The following KLF15 variants were observed in gnomAD, a reference collection of about 807,000 sequenced individuals.
The protein encoded by KLF15 is Krueppel-like factor 15.
In KLF15, 4 loss-of-function variants were observed where a neutral mutation model predicts 24.6. The observed-to-expected ratio is 0.16, with a 90% CI of 0.08 to 0.37. The LOEUF (loss-of-function observed/expected upper bound fraction) is 0.37. Among genes scored for constraint, KLF15 ranks in the 10% least tolerant of loss-of-function variants. The pLI, the probability that KLF15 is intolerant of heterozygous loss-of-function variation, is 1.00. For missense variants in KLF15, 496 were observed against 560.6 expected (o/e 0.88, Z 1.16); for synonymous variants, 246 against 236.3 (o/e 1.04, Z -0.37).
chr3:126,293,944 G>A, the KLF15 span: 57 of 152,356 alleles, frequency 3.7e-4, no homozygotes, highest in African/African-American at 1.3e-3. Context: ...AGAGCTGGAC[G>A]GCAGGCAGGC....
downstream of KLF15, among the ~76,000 whole-genome samples, chr3:126,342,207 G>T (rs1157149095): frequency 7.2e-5 from 11 of 152,198 alleles, no homozygotes; most frequent in Non-Finnish European, 1.0e-4. Context: ...GCACAGCCAC[G>T]TTCCTAAGGG....
chr3:126,331,847 A>G, the KLF15 span, among the ~76,000 whole-genome samples: 1 of 152,184 alleles, frequency 6.6e-6, no homozygotes, highest in African/African-American at 2.4e-5. Flanking sequence ...GAGTCAAAGA[A>G]AGGGGTGACG....
the KLF15 span, among the ~76,000 whole-genome samples, chr3:126,311,534 C>T: frequency 2.0e-5 from 3 of 152,228 alleles, no homozygotes; most frequent in Non-Finnish European, 4.4e-5. Context: ...ACCTGGCCTT[C>T]TCTGCCCTAG....
At chr3:126,337,852 T>C (rs1404475387), downstream of KLF15, among the ~76,000 whole-genome samples, 3 of 152,190 alleles carry the variant, frequency 2.0e-5, no homozygotes, top group East Asian at 5.8e-4. Flanking sequence ...TCTGTTTGTT[T>C]AAACAGATGG....
rs1156356716 is a variant in KLF15 at position 126,343,198 on chromosome 3, ACACCCT to A, written c.*523_*528del. On this transcript the variant is annotated 3_prime_UTR_variant, in exon 3 of 3. Coordinates refer to ENST00000296233, the MANE Select transcript of KLF15 (RefSeq NM_014079.4). ...CCCCCCCGGCTCCAGGGACCTGCCC[ACACCCT>A]CTGGTGATCATGCTGAGCAGGCATC... The A allele has an allele frequency of 6.4e-5, 3 of 46,818 alleles. No individual in the cohort carries two copies. The highest frequency in any genetic ancestry group is 2.5e-4 in the African/African-American group (3 of 11,830). 2.9% of individuals were successfully genotyped at this position (46,818 alleles called of 1,614,324 possible).
chr3:126,313,888 C>T, the KLF15 span, among the ~76,000 whole-genome samples: 1 of 152,204 alleles, frequency 6.6e-6, no homozygotes, highest in African/African-American at 2.4e-5. Flanking sequence ...TCAGCTGAGG[C>T]TTGAGCAGAA....
Position 126,343,612 on chromosome 3 carries a change from G to C in KLF15, c.*115C>G. On this transcript the variant is annotated 3_prime_UTR_variant, in exon 3 of 3. Coordinates refer to ENST00000296233, the MANE Select transcript of KLF15 (RefSeq NM_014079.4). Reference sequence around the variant, plus strand: ...GGTTCACACCTCCCAGGCTTCAGAAGGTGGGCTGGTAACATTGCCATGTCC... The same window carrying C: ...GGTTCACACCTCCCAGGCTTCAGAACGTGGGCTGGTAACATTGCCATGTCC... The C allele has an allele frequency of 9.4e-7, 1 of 1,059,016 alleles. No homozygotes were observed. Among genetic ancestry groups the C allele is most frequent in the Non-Finnish European group, 1.4e-6 (1 of 725,898 alleles). 65.6% of individuals were successfully genotyped at this position (1,059,016 alleles called of 1,614,324 possible).
chr3:126,300,524 C>T, the KLF15 span, among the ~76,000 whole-genome samples: 1 of 152,222 alleles, frequency 6.6e-6, no homozygotes, highest in Admixed American at 6.5e-5. Context: ...CCATGGCTCC[C>T]CATCTCCCCT....
chr3:126,345,016 G>A (rs1017205377), intron 2 of KLF15, among the ~76,000 whole-genome samples: 2 of 143,030 alleles, frequency 1.4e-5, no homozygotes, highest in Non-Finnish European at 3.0e-5. Context: ...ACACTATCCC[G>A]CTCTGTGCTC....
the KLF15 span, among the ~76,000 whole-genome samples, chr3:126,316,876 C>G: frequency 7.7e-4 from 117 of 152,246 alleles, 1 homozygote; most frequent in African/African-American, 2.8e-3. Context: ...CTCAGCAGGA[C>G]CAGCGAGCCC....
At chr3:126,330,359 A>G in the KLF15 span, among the ~76,000 whole-genome samples, 1 of 152,204 alleles carries the variant, frequency 6.6e-6, no homozygotes, top group South Asian at 2.1e-4. Flanking sequence ...TGACTGAAAC[A>G]TTGACATGCA....
the KLF15 span, among the ~76,000 whole-genome samples, chr3:126,318,456 T>C: frequency 5.9e-5 from 9 of 152,152 alleles, no homozygotes; most frequent in African/African-American, 2.2e-4. Flanking sequence ...GTATTTGTGA[T>C]ACAAAGTTAG....
the KLF15 span, among the ~76,000 whole-genome samples, chr3:126,333,527 A>C: frequency 0.47 from 33,764 of 72,488 alleles, 5,659 homozygotes; most frequent in African/African-American, 0.54. Flanking sequence ...CGAGCAAAAT[A>C]ACCAGCTAAC....
intron 2 of KLF15, among the ~76,000 whole-genome samples, chr3:126,344,916 A>G (rs2082520293): frequency 6.6e-6 from 1 of 152,104 alleles, no homozygotes; most frequent in Non-Finnish European, 1.5e-5. Flanking sequence ...GAGGGCCTGG[A>G]CTGCTTGCCA....
chr3:126,354,079 C>T (rs1472777210), intron 1 of KLF15: 1 of 152,338 alleles, frequency 6.6e-6, no homozygotes, highest in Non-Finnish European at 1.5e-5. Flanking sequence ...TCTGCTGCGT[C>T]CCCAGTGCCT....
rs1358640510 is a variant in KLF15 at position 126,353,028 on chromosome 3, G to T, written c.-25-81C>A. 2.8e-6 allele frequency: 4 copies of T among 1,448,178 alleles called. No homozygotes were observed. In the African/African-American group the frequency reaches 5.7e-5, roughly 21 times the overall value. 89.7% of individuals were successfully genotyped at this position (1,448,178 alleles called of 1,614,324 possible). On this transcript the variant is annotated intron_variant, in intron 1 of 2. Transcript: ENST00000296233. ...TCGCAGGCCTCTGACCCCACCCTCAGCTGCCTGCCCACAGCCTCCTATTGC... is the reference window on the plus strand; with the variant it reads ...TCGCAGGCCTCTGACCCCACCCTCATCTGCCTGCCCACAGCCTCCTATTGC...
At chr3:126,317,913 C>T in the KLF15 span, among the ~76,000 whole-genome samples, 1 of 152,176 alleles carries the variant, frequency 6.6e-6, no homozygotes, top group Non-Finnish European at 1.5e-5. Flanking sequence ...TGCTGCAAAC[C>T]CGTACAGATT....
At chr3:126,318,016 A>G in the KLF15 span, among the ~76,000 whole-genome samples, 1 of 152,038 alleles carries the variant, frequency 6.6e-6, no homozygotes, top group Non-Finnish European at 1.5e-5. Flanking sequence ...TCCTGATTCC[A>G]TGCTGGCTCT....
At chr3:126,296,439 C>G in the KLF15 span, among the ~76,000 whole-genome samples, 2 of 152,230 alleles carry the variant, frequency 1.3e-5, no homozygotes, top group African/African-American at 4.8e-5. Context: ...TATCTCCTGA[C>G]CTCGTGATCC....
Sources: gnomAD v4.1 joint callset for allele counts (sites outside exome capture counted in the v4.1 genomes callset) on GRCh38, gnomAD v4.1.1 for gene constraint, MANE v1.5 for transcripts, NCBI Gene and HGNC (gene_info 2026-07-23, HGNC 2026-07-21) for gene names.